AXDND1: variants seen among roughly 807,000 people sequenced by gnomAD.
The protein encoded by AXDND1 is axonemal dynein light chain domain containing 1, also known as axonemal dynein light chain domain-containing protein 1.
Under a neutral mutation model 137.5 loss-of-function variants are expected in AXDND1, and 110 were observed. The observed-to-expected ratio is 0.80, with a 90% CI of 0.69 to 0.94. The LOEUF (loss-of-function observed/expected upper bound fraction) is 0.94. Among genes scored for constraint, AXDND1 ranks in the 40% least tolerant of loss-of-function variants. AXDND1 has a pLI of 0.00. For synonymous variants in AXDND1, 414 were observed against 399.7 expected (o/e 1.04, Z -0.43); for missense variants, 1,191 against 1,169.8 (o/e 1.02, Z -0.26).
chr1:179,379,860 C>T (rs534689378), intron 6 of AXDND1, among the ~76,000 whole-genome samples: 1 of 149,208 alleles, frequency 6.7e-6, no homozygotes, highest in East Asian at 2.0e-4. Context: ...CCTTCCCATA[C>T]ATAGAAGAAC....
At chr1:179,381,025 T>C (rs1648180999) in intron 6 of AXDND1, among the ~76,000 whole-genome samples, 1 of 147,634 alleles carries the variant, frequency 6.8e-6, no homozygotes, top group African/African-American at 2.5e-5. Flanking sequence ...TTATAGATCT[T>C]TTGGTGACTT....
At chr1:179,472,067 T>C (rs141331930) in intron 17 of AXDND1, among the ~76,000 whole-genome samples, 1 of 152,076 alleles carries the variant, frequency 6.6e-6, no homozygotes, top group Non-Finnish European at 1.5e-5. Flanking sequence ...GCTAATTTTT[T>C]TGTATTTTTA....
chr1:179,516,394 G>A lies in AXDND1; in HGVS notation c.2496+6991G>A, dbSNP rs189187091. 4.0e-3 allele frequency among the ~76,000 whole-genome samples: 612 copies of A among 152,008 alleles called. 3 individuals are homozygous for A. Among genetic ancestry groups the A allele is most frequent in the African/African-American group, 0.014 (576 of 41,466 alleles). ...TTTGGATTTCCTTGCATTGGGCTTC[G>A]CCTTTCTCTGGTGCCTCCCTGATTA... On this transcript the variant is annotated intron_variant, in intron 21 of 25. Transcript: ENST00000367618.
chr1:179,389,700 T>A (rs1649829127), intron 9 of AXDND1, among the ~76,000 whole-genome samples: 1 of 152,218 alleles, frequency 6.6e-6, no homozygotes, highest in Admixed American at 6.5e-5. Flanking sequence ...CCTAGAGTCT[T>A]CTGTTTCTTC....
intron 17 of AXDND1, among the ~76,000 whole-genome samples, chr1:179,472,706 A>G (rs1211508668): frequency 1.3e-5 from 2 of 152,130 alleles, no homozygotes; most frequent in Non-Finnish European, 2.9e-5. Context: ...TATAATTGTT[A>G]TATCTTCCTG....
At chr1:179,517,172 T>C (rs1669623094) in intron 21 of AXDND1, among the ~76,000 whole-genome samples, 1 of 152,174 alleles carries the variant, frequency 6.6e-6, no homozygotes, top group Non-Finnish European at 1.5e-5. Flanking sequence ...AGTGGAGTTA[T>C]GTACCTAGGA....
rs187244619 is a variant in AXDND1, at chr1:179,488,433, T to G, written c.2092-3105T>G. Among the ~76,000 whole-genome samples, 235 of 147,672 alleles carry G rather than the reference T, an allele frequency of 1.6e-3. 14 individuals carry two copies. The highest frequency in any genetic ancestry group is 2.2e-3 in the Non-Finnish European group (148 of 67,204). On this transcript the variant is annotated intron_variant, in intron 18 of 25. Coordinates refer to ENST00000367618, the MANE Select transcript of AXDND1 (RefSeq NM_144696.6). ...GTGTGTGGTTTTTTTTGTTTGTTTG[T>G]TTGGTTGGTTTTTATAGAGATGGGG...
Position 179,534,928 on chromosome 1 carries a change from G to A in AXDND1, c.2997G>A (p.Arg999=), listed in dbSNP as rs765363926. The A allele has an allele frequency of 6.2e-7, 1 of 1,607,326 alleles. No homozygotes were observed. Among genetic ancestry groups the A allele is most frequent in the Non-Finnish European group, 8.5e-7 (1 of 1,178,498 alleles). Residue 999 remains arginine, a synonymous_variant, in exon 25 of 26, where the codon AGG becomes AGA. Transcript: ENST00000367618. ...AACAACAAGAAGAAGAAGAAGTCAG[G>A]TCAGCAGAAAATTCCTCAAAATCTC... The part of the protein sequence containing the change: ...EEEQQEEEEV[R]SAENSSKSPK...
At chr1:179,461,265 A>G (rs141073493) in intron 16 of AXDND1, among the ~76,000 whole-genome samples, 4,523 of 152,292 alleles carry the variant, frequency 0.03, 245 homozygotes, top group African/African-American at 0.1. Flanking sequence ...AGGTTTCTAC[A>G]TATGGCTAGT....
intron 15 of AXDND1, among the ~76,000 whole-genome samples, chr1:179,438,990 A>G (rs1658605506): frequency 6.6e-6 from 1 of 152,038 alleles, no homozygotes; most frequent in Admixed American, 6.6e-5. Flanking sequence ...TGGGCGGCAG[A>G]CTGGGATTGG....
intron 16 of AXDND1, among the ~76,000 whole-genome samples, chr1:179,458,325 A>G (rs1485222060): frequency 6.6e-6 from 1 of 152,126 alleles, no homozygotes; most frequent in Non-Finnish European, 1.5e-5. Context: ...AGTTTTATTT[A>G]AACTTTAAAG....
intron 25 of AXDND1, among the ~76,000 whole-genome samples, chr1:179,540,361 C>T (rs1169499374): frequency 1.3e-5 from 2 of 152,058 alleles, no homozygotes; most frequent in East Asian, 1.9e-4. Context: ...ATGTTGGTGA[C>T]CTATGGATGG....
intron 20 of AXDND1, among the ~76,000 whole-genome samples, chr1:179,499,170 A>T (rs1360558885): frequency 6.6e-6 from 1 of 152,202 alleles, no homozygotes; most frequent in Non-Finnish European, 1.5e-5. Context: ...AAACAATAAT[A>T]GACCAAAACT....
chr1:179,455,752 CGAGA>C (rs1428556846), intron 16 of AXDND1: 1 of 162,544 alleles, frequency 6.2e-6, no homozygotes, highest in African/African-American at 2.4e-5. Context: ...TAAAGGGTAA[CGAGA>C]GATAGTAGGA....
chr1:179,473,256 G>T (rs1664181214), intron 17 of AXDND1, among the ~76,000 whole-genome samples: 1 of 152,024 alleles, frequency 6.6e-6, no homozygotes, highest in Non-Finnish European at 1.5e-5. Flanking sequence ...AGCACTTTGG[G>T]AGGCCAAGAT....
intron 21 of AXDND1, among the ~76,000 whole-genome samples, chr1:179,513,894 G>A (rs1008724121): frequency 1.4e-4 from 22 of 151,854 alleles, no homozygotes; most frequent in Middle Eastern, 3.2e-3. Flanking sequence ...GTATTTCAGC[G>A]GTGTCAGTTG....
chr1:179,446,241 A>C (rs1390695978), intron 16 of AXDND1, among the ~76,000 whole-genome samples: 1 of 152,190 alleles, frequency 6.6e-6, no homozygotes, highest in Non-Finnish European at 1.5e-5. Flanking sequence ...AAGGTTTCAT[A>C]CTACCAGAGA....
intron 11 of AXDND1, among the ~76,000 whole-genome samples, chr1:179,404,622 ATTATC>A (rs1350686221): frequency 6.6e-6 from 1 of 152,150 alleles, no homozygotes. Flanking sequence ...ATCATGGTGT[ATTATC>A]TTTTTGATAT....
At chr1:179,438,964 T>A (rs1005045745) in intron 15 of AXDND1, among the ~76,000 whole-genome samples, 2 of 151,974 alleles carry the variant, frequency 1.3e-5, no homozygotes, top group Non-Finnish European at 2.9e-5. Context: ...TAAAGCCTGC[T>A]CCATGCCAAG....
Sources: gnomAD v4.1 joint callset for allele counts (sites outside exome capture counted in the v4.1 genomes callset) on GRCh38, gnomAD v4.1.1 for gene constraint, MANE v1.5 for transcripts, NCBI Gene and HGNC (gene_info 2026-07-23, HGNC 2026-07-21) for gene names.